PAPPA2: variants seen among roughly 807,000 people sequenced by gnomAD.
The protein encoded by PAPPA2 is pappalysin 2, also known as pappalysin-2.
In PAPPA2, 86 loss-of-function variants were observed where a neutral mutation model predicts 176.4. The observed-to-expected ratio is 0.49, with a 90% CI of 0.41 to 0.58. PAPPA2 has a LOEUF of 0.58. PAPPA2 is among the 20% of genes least tolerant of loss of function. The pLI, the probability that PAPPA2 is intolerant of heterozygous loss-of-function variation, is 0.00. For missense variants in PAPPA2, 2,073 were observed against 2,256.9 expected, an observed-to-expected ratio of 0.92 and a Z score of 1.65; for synonymous variants, 809 against 852.2, an observed-to-expected ratio of 0.95 and a Z score of 0.88.
intron 3 of PAPPA2, among the ~76,000 whole-genome samples, chr1:176,603,174 G>A (rs182572819): frequency 2.7e-4 from 41 of 152,248 alleles, no homozygotes; most frequent in South Asian, 2.1e-4. Flanking sequence ...AAAATACTTC[G>A]GCTTTTTCCT....
At chr1:176,785,604 C>T (rs1314465607) in intron 17 of PAPPA2, among the ~76,000 whole-genome samples, 1 of 152,190 alleles carries the variant, frequency 6.6e-6, no homozygotes, top group Admixed American at 6.5e-5. Flanking sequence ...GCAGTGCCTC[C>T]TCTCCAGTCT....
intron 4 of PAPPA2, among the ~76,000 whole-genome samples, chr1:176,676,052 G>A (rs1004663648): frequency 2.6e-5 from 4 of 151,898 alleles, no homozygotes; most frequent in South Asian, 2.1e-4. Context: ...CCCATCAGAA[G>A]AGCTAAAATA....
intron 3 of PAPPA2, among the ~76,000 whole-genome samples, chr1:176,618,568 C>G (rs1655409213): frequency 1.3e-5 from 2 of 152,142 alleles, no homozygotes; most frequent in African/African-American, 4.8e-5. Context: ...AAAAATTGTA[C>G]TGTGTGCATT....
rs545009469 is a variant in PAPPA2, at chr1:176,824,720, C to T, written c.5203-15453C>T. ...TCATTCCCCAAGTGACCTTGGGGCACGACCCTTTGTCCCATTTTTCCCCAT... is the reference window on the plus strand; with the variant it reads ...TCATTCCCCAAGTGACCTTGGGGCATGACCCTTTGTCCCATTTTTCCCCAT... On this transcript the variant is annotated intron_variant, in intron 21 of 22. Coordinates refer to ENST00000367662, the MANE Select transcript of PAPPA2 (RefSeq NM_020318.3). Among the ~76,000 whole-genome samples the T allele has an allele frequency of 1.2e-4, 19 of 152,234 alleles. 1 individual carries two copies. The highest frequency in any genetic ancestry group is 3.6e-4 in the African/African-American group (15 of 41,534).
At chr1:176,758,587 A>G (rs545334029) in intron 14 of PAPPA2, among the ~76,000 whole-genome samples, 35 of 152,264 alleles carry the variant, frequency 2.3e-4, no homozygotes, top group African/African-American at 7.9e-4. Flanking sequence ...AATCAATACA[A>G]TGAAGTGAAA....
At chr1:176,483,311 G>T (rs539109309) in intron 1 of PAPPA2, among the ~76,000 whole-genome samples, 7 of 152,044 alleles carry the variant, frequency 4.6e-5, no homozygotes, top group South Asian at 2.1e-4. Context: ...CTAGCCTATT[G>T]TTTTGCTAAT....
At chr1:176,829,361 C>T (rs1666997433) in intron 21 of PAPPA2, among the ~76,000 whole-genome samples, 1 of 152,142 alleles carries the variant, frequency 6.6e-6, no homozygotes, top group Non-Finnish European at 1.5e-5. Flanking sequence ...GGCATACGGT[C>T]GTTTCCTCCC....
At chr1:176,470,949 G>C (rs1283030455) in intron 1 of PAPPA2, among the ~76,000 whole-genome samples, 1 of 151,952 alleles carries the variant, frequency 6.6e-6, no homozygotes, top group African/African-American at 2.4e-5. Context: ...GTGGCTTCTC[G>C]GGTCAAATAG....
intron 14 of PAPPA2, among the ~76,000 whole-genome samples, chr1:176,760,127 T>C (rs576209856): frequency 1.6e-4 from 25 of 152,366 alleles, no homozygotes; most frequent in Non-Finnish European, 3.4e-4. Context: ...TTCCAAATTC[T>C]ATTTTCATTA....
Position 176,656,783 on chromosome 1 carries a change from T to TCACA in PAPPA2, c.1992-14171_1992-14168dup, listed in dbSNP as rs34966942. On this transcript the variant is annotated intron_variant, in intron 3 of 22. Transcript: ENST00000367662. ...TAATCTCCCTCTCTCTCTCTCTCTTTCACACACACACACACACACCAGAAG... is the reference window on the plus strand; with the variant it reads ...TAATCTCCCTCTCTCTCTCTCTCTTTCACACACACACACACACACACACCAGAAG... Among the ~76,000 whole-genome samples, 100 of 150,028 alleles carry TCACA rather than the reference T, an allele frequency of 6.7e-4. 1 individual carries two copies. The highest frequency in any genetic ancestry group is 6.3e-4 in the South Asian group (3 of 4,730).
chr1:176,464,504 T>A (rs563182708), intron 1 of PAPPA2, among the ~76,000 whole-genome samples: 1 of 152,306 alleles, frequency 6.6e-6, no homozygotes, highest in African/African-American at 2.4e-5. Flanking sequence ...TTGTAATATT[T>A]CTCAAACAAG....
Position 176,568,999 on chromosome 1 carries a change from CT to C in PAPPA2, c.919+11762del, listed in dbSNP as rs574906791. ...AGGTGTCATATGAGACCCTACTTACCTTTTCAATCTCATCACTGACTCTACA... is the reference window on the plus strand; with the variant it reads ...AGGTGTCATATGAGACCCTACTTACCTTTCAATCTCATCACTGACTCTACA... On this transcript the variant is annotated intron_variant, in intron 2 of 22. Coordinates refer to ENST00000367662, the MANE Select transcript of PAPPA2 (RefSeq NM_020318.3). Among the ~76,000 whole-genome samples the C allele has an allele frequency of 9.1e-4, 138 of 152,250 alleles. 2 individuals are homozygous for C. Among genetic ancestry groups the C allele is most frequent in the Middle Eastern group, 3.4e-3 (1 of 294 alleles).
intron 12 of PAPPA2, among the ~76,000 whole-genome samples, chr1:176,730,592 G>GT (rs1202945895): frequency 5.2e-5 from 7 of 135,638 alleles, no homozygotes; most frequent in African/African-American, 1.8e-4. Flanking sequence ...TCTCGTTTTT[G>GT]TTTTTTGTTT....
At chr1:176,608,333 C>T (rs1654726002) in intron 3 of PAPPA2, among the ~76,000 whole-genome samples, 3 of 152,140 alleles carry the variant, frequency 2.0e-5, no homozygotes, top group Admixed American at 2.0e-4. Flanking sequence ...TTTATCTGTT[C>T]AATTTCTTTC....
chr1:176,668,161 A>G (rs1478459697), intron 3 of PAPPA2, among the ~76,000 whole-genome samples: 1 of 152,206 alleles, frequency 6.6e-6, no homozygotes, highest in African/African-American at 2.4e-5. Context: ...GAACAGCTTG[A>G]TATGTCAGCT....
intron 3 of PAPPA2, among the ~76,000 whole-genome samples, chr1:176,664,611 G>A (rs1194219513): frequency 3.3e-5 from 5 of 152,142 alleles, no homozygotes; most frequent in East Asian, 1.9e-4. Context: ...ACTAGGACAC[G>A]GACATCCTTG....
chr1:176,492,964 A>G (rs1168811291), intron 1 of PAPPA2, among the ~76,000 whole-genome samples: 1 of 152,232 alleles, frequency 6.6e-6, no homozygotes, highest in Non-Finnish European at 1.5e-5. Flanking sequence ...GTTGTGATTC[A>G]GGATAATACC....
chr1:176,835,385 T>C (rs1313234615), intron 21 of PAPPA2, among the ~76,000 whole-genome samples: 1 of 152,238 alleles, frequency 6.6e-6, no homozygotes, highest in Non-Finnish European at 1.5e-5. Context: ...CTCTTCAACA[T>C]ACTGATTTGA....
At chr1:176,748,290 G>A (rs1038741108) in intron 14 of PAPPA2, among the ~76,000 whole-genome samples, 5 of 152,154 alleles carry the variant, frequency 3.3e-5, no homozygotes, top group Non-Finnish European at 5.9e-5. Flanking sequence ...ACAGCTTAGG[G>A]CAGAAGGGAT....
Sources: gnomAD v4.1 joint callset for allele counts (sites outside exome capture counted in the v4.1 genomes callset) on GRCh38, gnomAD v4.1.1 for gene constraint, MANE v1.5 for transcripts, NCBI Gene and HGNC (gene_info 2026-07-23, HGNC 2026-07-21) for gene names.